The following TOX variants were observed in gnomAD, a reference collection of about 807,000 sequenced individuals.
TOX encodes thymocyte selection-associated high mobility group box protein TOX.
In TOX, 11 loss-of-function variants were observed where a neutral mutation model predicts 53.7. The ratio of observed to expected loss-of-function variants is 0.20; its 90% CI spans 0.13 to 0.34. The LOEUF (loss-of-function observed/expected upper bound fraction) is 0.34, where lower values mean the gene tolerates loss of function less well. TOX is among the 10% of genes least tolerant of loss of function. The probability of loss-of-function intolerance (pLI) is 1.00; values close to 1 mark genes in which losing one functional copy is unlikely to be tolerated. For synonymous variants in TOX, 225 were observed against 245.3 expected (o/e 0.92, Z 0.77); for missense variants, 570 against 664.6 (o/e 0.86, Z 1.56).
intron 1 of TOX, among the ~76,000 whole-genome samples, chr8:59,097,583 C>G (rs1429662832): frequency 6.6e-6 from 1 of 152,138 alleles, no homozygotes; most frequent in Non-Finnish European, 1.5e-5. Flanking sequence ...ACCTAGGATC[C>G]TTTCTCATCT....
intron 3 of TOX, among the ~76,000 whole-genome samples, chr8:58,928,707 TTAA>T (rs1386697418): frequency 6.6e-6 from 1 of 152,188 alleles, no homozygotes; most frequent in African/African-American, 2.4e-5. Context: ...CTTGATAGCC[TTAA>T]TAATACAGCG....
intron 1 of TOX, among the ~76,000 whole-genome samples, chr8:58,985,520 T>A (rs186507537): frequency 4.6e-5 from 7 of 152,216 alleles, no homozygotes; most frequent in Non-Finnish European, 7.4e-5. Context: ...GAATGGGGAG[T>A]CATTGTTTGA....
chr8:59,084,038 CA>C (rs1381367618), intron 1 of TOX, among the ~76,000 whole-genome samples: 1 of 152,110 alleles, frequency 6.6e-6, no homozygotes, highest in Non-Finnish European at 1.5e-5. Context: ...TTTTAATGCT[CA>C]GGTTATAAAG....
chr8:59,092,293 T>TTA (rs1403765470), intron 1 of TOX, among the ~76,000 whole-genome samples: 5 of 113,520 alleles, frequency 4.4e-5, no homozygotes, highest in East Asian at 2.1e-4. Context: ...TATATATACA[T>TTA]TATATATATT....
chr8:59,043,719 A>T (rs1486100156), intron 1 of TOX, among the ~76,000 whole-genome samples: 1 of 152,224 alleles, frequency 6.6e-6, no homozygotes, highest in Non-Finnish European at 1.5e-5. Context: ...GACTTCCTTC[A>T]CTAGCCAGAA....
At chr8:58,838,349 A>G (rs773511466) in intron 4 of TOX, 38 bp from the exon 5 acceptor site, 4 of 1,558,650 alleles carry the variant, frequency 2.6e-6, no homozygotes, top group Non-Finnish European at 3.5e-6. Context: ...AGGGGGACTG[A>G]GACAATTTGG....
At chr8:58,986,862 T>TA (rs1813339033) in intron 1 of TOX, among the ~76,000 whole-genome samples, 2 of 151,874 alleles carry the variant, frequency 1.3e-5, no homozygotes, top group South Asian at 4.2e-4. Context: ...AAGGGCTGAA[T>TA]AAGAAAAAAG....
chr8:58,999,503 T>C lies in TOX; in HGVS notation c.103-39495A>G, dbSNP rs988348468. On this transcript the variant is annotated intron_variant, in intron 1 of 8. Coordinates refer to ENST00000361421, the MANE Select transcript of TOX (RefSeq NM_014729.3). Reference sequence around the variant, plus strand: ...ACTATTGTAGAAATACTGTAGGCCCTGAAACGAGGTGGGAGGTGTGGAACT... The same window carrying C: ...ACTATTGTAGAAATACTGTAGGCCCCGAAACGAGGTGGGAGGTGTGGAACT... 2.0e-5 allele frequency among the ~76,000 whole-genome samples: 3 copies of C among 152,142 alleles called. No homozygotes were observed. In the South Asian group the frequency reaches 6.2e-4, roughly 32 times the overall value.
chr8:58,940,066 A>G (rs916105206), intron 2 of TOX, among the ~76,000 whole-genome samples: 1 of 152,224 alleles, frequency 6.6e-6, no homozygotes, highest in African/African-American at 2.4e-5. Context: ...ATGCTGCATA[A>G]AAGTGTAGTT....
At chr8:58,969,527 C>T (rs1812963822) in intron 1 of TOX, among the ~76,000 whole-genome samples, 1 of 152,160 alleles carries the variant, frequency 6.6e-6, no homozygotes, top group Non-Finnish European at 1.5e-5. Flanking sequence ...CTCATGATCT[C>T]ATGTAACTTT....
At chr8:58,877,404 A>ATACT (rs1221821281) in intron 3 of TOX, among the ~76,000 whole-genome samples, 1 of 152,230 alleles carries the variant, frequency 6.6e-6, no homozygotes, top group African/African-American at 2.4e-5. Flanking sequence ...TTATAGTAGC[A>ATACT]CCAGAGGGAA....
chr8:58,896,907 G>A (rs956036336), intron 3 of TOX, among the ~76,000 whole-genome samples: 7 of 152,016 alleles, frequency 4.6e-5, no homozygotes, highest in Non-Finnish European at 1.0e-4. Flanking sequence ...CCTACGTTAG[G>A]GATAAGACAT....
intron 3 of TOX, among the ~76,000 whole-genome samples, chr8:58,881,848 T>C (rs1387919846): frequency 6.6e-6 from 1 of 152,048 alleles, no homozygotes; most frequent in East Asian, 1.9e-4. Context: ...TCATGAAATG[T>C]GATTACACAT....
intron 1 of TOX, among the ~76,000 whole-genome samples, chr8:59,021,404 T>C (rs1205661093): frequency 6.8e-6 from 1 of 146,594 alleles, no homozygotes; most frequent in African/African-American, 2.5e-5. Flanking sequence ...TACTGCCATC[T>C]GTTGTCAGGA....
intron 1 of TOX, among the ~76,000 whole-genome samples, chr8:59,036,720 A>G (rs1184080401): frequency 1.3e-5 from 2 of 152,182 alleles, no homozygotes; most frequent in Non-Finnish European, 2.9e-5. Flanking sequence ...TGTTTTATTC[A>G]TTACTGGTCT....
intron 3 of TOX, among the ~76,000 whole-genome samples, chr8:58,922,005 C>G (rs902991527): frequency 6.6e-6 from 1 of 152,180 alleles, no homozygotes; most frequent in African/African-American, 2.4e-5. Flanking sequence ...GTATTACTAT[C>G]TTGGTCCCTA....
chr8:58,865,301 A>G (rs1811077974), intron 3 of TOX, among the ~76,000 whole-genome samples: 1 of 152,208 alleles, frequency 6.6e-6, no homozygotes. Context: ...ATAAGAATTC[A>G]ATTAAGTTTG....
intron 2 of TOX, among the ~76,000 whole-genome samples, chr8:58,953,860 C>CT (rs147622779): frequency 0.032 from 4,707 of 149,250 alleles, 244 homozygotes; most frequent in African/African-American, 0.11. Flanking sequence ...GTAAAGATAC[C>CT]TTTTTTTTTT....
At chr8:58,847,031 G>A (rs913390773) in intron 4 of TOX, among the ~76,000 whole-genome samples, 2 of 152,064 alleles carry the variant, frequency 1.3e-5, no homozygotes, top group African/African-American at 2.4e-5. Flanking sequence ...CTATGTGGGT[G>A]GTCTGAAAAA....
Sources: gnomAD v4.1 joint callset for allele counts (sites outside exome capture counted in the v4.1 genomes callset) on GRCh38, gnomAD v4.1.1 for gene constraint, MANE v1.5 for transcripts, NCBI Gene and HGNC (gene_info 2026-07-23, HGNC 2026-07-21) for gene names.